The following ZNRF2 variants were observed in gnomAD, a reference collection of about 807,000 sequenced individuals.
The protein encoded by ZNRF2 is E3 ubiquitin-protein ligase ZNRF2.
In ZNRF2, 16 loss-of-function variants were observed where a neutral mutation model predicts 20.4. The ratio of observed to expected loss-of-function variants is 0.79; its 90% confidence interval spans 0.53 to 1.19. The LOEUF is 1.19. Ranked by LOEUF, ZNRF2 falls within the 50% of genes most tolerant of loss-of-function variation. ZNRF2 has a pLI of 0.00. For missense variants in ZNRF2, 363 were observed against 332.4 expected (o/e 1.09, Z -0.72); for synonymous variants, 178 against 144.9 (o/e 1.23, Z -1.64).
intron 2 of ZNRF2, among the ~76,000 whole-genome samples, chr7:30,349,179 C>T (rs1235922194): frequency 1.3e-5 from 2 of 152,000 alleles, no homozygotes; most frequent in African/African-American, 2.4e-5. Flanking sequence ...TTTAATCATC[C>T]GTATTAAAGA....
intron 1 of ZNRF2, among the ~76,000 whole-genome samples, chr7:30,312,967 A>C (rs1406561273): frequency 6.6e-6 from 1 of 152,204 alleles, no homozygotes; most frequent in Non-Finnish European, 1.5e-5. Flanking sequence ...GAGAGGAATA[A>C]TTTATATATC....
chr7:30,328,036 C>T (rs897910800), intron 2 of ZNRF2, among the ~76,000 whole-genome samples: 2 of 152,102 alleles, frequency 1.3e-5, no homozygotes, highest in Admixed American at 1.3e-4. Flanking sequence ...GAGAAAGGAG[C>T]TTTGCCTGGA....
chr7:30,287,944 C>T (rs1023214875), intron 1 of ZNRF2, among the ~76,000 whole-genome samples: 2 of 152,158 alleles, frequency 1.3e-5, no homozygotes, highest in South Asian at 2.1e-4. Flanking sequence ...GAGAAATTAC[C>T]TGTTCTTATT....
chr7:30,358,637 G>A (rs1743747366), intron 3 of ZNRF2, among the ~76,000 whole-genome samples: 1 of 152,208 alleles, frequency 6.6e-6, no homozygotes, highest in Non-Finnish European at 1.5e-5. Flanking sequence ...CCATGTTGGT[G>A]GGACTTGTCC....
chr7:30,310,790 C>G (rs1013268079), intron 1 of ZNRF2, among the ~76,000 whole-genome samples: 2 of 152,076 alleles, frequency 1.3e-5, no homozygotes, highest in Admixed American at 1.3e-4. Context: ...GAGTTCCAAG[C>G]TAGGGAATCT....
intron 1 of ZNRF2, among the ~76,000 whole-genome samples, chr7:30,293,932 C>T (rs1367719333): frequency 6.6e-6 from 1 of 152,078 alleles, no homozygotes; most frequent in Non-Finnish European, 1.5e-5. Flanking sequence ...CTTTAATTTA[C>T]CTATTTATAT....
At chr7:30,352,041 A>G (rs1329612446) in intron 2 of ZNRF2, among the ~76,000 whole-genome samples, 1 of 152,046 alleles carries the variant, frequency 6.6e-6, no homozygotes, top group Non-Finnish European at 1.5e-5. Flanking sequence ...AGGTGCATGA[A>G]GTACTATCTG....
chr7:30,343,826 A>G (rs1053206493), intron 2 of ZNRF2, among the ~76,000 whole-genome samples: 2 of 126,402 alleles, frequency 1.6e-5, no homozygotes, highest in Non-Finnish European at 3.4e-5. Flanking sequence ...TAGCCCATTT[A>G]TATTTCTTAA....
intron 2 of ZNRF2, among the ~76,000 whole-genome samples, chr7:30,347,201 AT>A (rs1473518841): frequency 1.3e-5 from 2 of 152,178 alleles, no homozygotes; most frequent in African/African-American, 2.4e-5. Flanking sequence ...AGAATCTCTC[AT>A]TACCTATGTC....
intron 2 of ZNRF2, among the ~76,000 whole-genome samples, chr7:30,343,030 G>A (rs1229212373): frequency 1.3e-5 from 2 of 152,090 alleles, no homozygotes; most frequent in African/African-American, 2.4e-5. Context: ...TTTGGCGAAT[G>A]TTTCCTATTC....
In ZNRF2 at chr7:30,366,891, G is replaced by A. The variant is rs963327858; in HGVS notation, c.*879G>A. 1 of 152,404 alleles carries A rather than the reference G, an allele frequency of 6.6e-6. No homozygotes were observed. The highest frequency in any genetic ancestry group is 6.6e-5 in the Admixed American group (1 of 15,238). The allele number at this position is 152,404 out of a possible 1,614,324, so 9.4% of individuals were successfully genotyped here. A position where few individuals can be genotyped will look rare whatever the true frequency, so the allele number is the denominator to read the frequency against. On this transcript the variant is annotated 3_prime_UTR_variant, in exon 5 of 5. Transcript: ENST00000323037. ...TGCCAGCTAAAATAACTGTTTTAAC[G>A]GGTATCTTTTGTTTGTTCTTTTCAC...
rs537876038 is a variant in ZNRF2, at chr7:30,314,059, G to T, written c.470-9583G>T. On this transcript the variant is annotated intron_variant, in intron 1 of 4. Coordinates refer to ENST00000323037, the MANE Select transcript of ZNRF2 (RefSeq NM_147128.4). ...CATAGTTTAAGTTGACTTTTCTACCGTTGTGAATAGTGGTTTAGTTCTTTC... is the reference window on the plus strand; with the variant it reads ...CATAGTTTAAGTTGACTTTTCTACCTTTGTGAATAGTGGTTTAGTTCTTTC... 7.0e-4 allele frequency among the ~76,000 whole-genome samples: 106 copies of T among 152,250 alleles called. 1 individual carries two copies. Among genetic ancestry groups the T allele is most frequent in the South Asian group, 3.5e-3 (17 of 4,826 alleles).
At chr7:30,330,639 T>C (rs768471097) in intron 2 of ZNRF2, among the ~76,000 whole-genome samples, 29 of 152,186 alleles carry the variant, frequency 1.9e-4, no homozygotes, top group Non-Finnish European at 3.7e-4. Flanking sequence ...GGTACTATTA[T>C]AAGTTATAAG....
intron 1 of ZNRF2, among the ~76,000 whole-genome samples, chr7:30,303,502 C>G (rs1248686207): frequency 6.6e-6 from 1 of 152,154 alleles, no homozygotes; most frequent in African/African-American, 2.4e-5. Context: ...TAACAAGTTT[C>G]CAGGTGTTGC....
At chr7:30,351,499 C>T (rs1451336942) in intron 2 of ZNRF2, among the ~76,000 whole-genome samples, 2 of 152,040 alleles carry the variant, frequency 1.3e-5, no homozygotes, top group Non-Finnish European at 2.9e-5. Context: ...TGTGACCAGT[C>T]TTGAGAGTAC....
intron 2 of ZNRF2, among the ~76,000 whole-genome samples, chr7:30,324,220 C>G (rs1799517647): frequency 6.6e-6 from 1 of 151,744 alleles, no homozygotes; most frequent in Admixed American, 6.6e-5. Context: ...TGCTGCTATA[C>G]TGGAGAGAAT....
chr7:30,359,999 T>C (rs42584), intron 3 of ZNRF2, among the ~76,000 whole-genome samples: 17,682 of 152,164 alleles, frequency 0.12, 1,789 homozygotes, highest in African/African-American at 0.27. Context: ...GGACCCTCAA[T>C]TGGCCAATAA....
chr7:30,301,449 C>T (rs1294265611), intron 1 of ZNRF2, among the ~76,000 whole-genome samples: 1 of 152,110 alleles, frequency 6.6e-6, no homozygotes, highest in Non-Finnish European at 1.5e-5. Context: ...CGCCACTGCA[C>T]TCCATCCTGG....
At chr7:30,346,472 AG>A (rs1197856359) in intron 2 of ZNRF2, among the ~76,000 whole-genome samples, 1 of 152,052 alleles carries the variant, frequency 6.6e-6, no homozygotes, top group African/African-American at 2.4e-5. Flanking sequence ...TATAGGCATG[AG>A]CCACTGTGCC....
Sources: gnomAD v4.1 joint callset for allele counts (sites outside exome capture counted in the v4.1 genomes callset) on GRCh38, gnomAD v4.1.1 for gene constraint, MANE v1.5 for transcripts, NCBI Gene and HGNC (gene_info 2026-07-23, HGNC 2026-07-21) for gene names.